UNC80: variants seen among roughly 807,000 people sequenced by gnomAD.
The protein encoded by UNC80 is unc-80 subunit of NALCN channel complex.
In UNC80, 164 loss-of-function variants were observed where a neutral mutation model predicts 384.6. The observed-to-expected ratio is 0.43, with a 90% CI of 0.38 to 0.49. UNC80 has a LOEUF of 0.49. Among genes scored for constraint, UNC80 ranks in the 20% least tolerant of loss-of-function variants. UNC80 has a pLI of 0.00. For missense variants in UNC80, 3,330 were observed against 4,143.0 expected (o/e 0.80, Z 5.39); for synonymous variants, 1,486 against 1,527.8 (o/e 0.97, Z 0.64).
chr2:209,865,047 T>C (rs547146426), intron 22 of UNC80, among the ~76,000 whole-genome samples: 1 of 152,330 alleles, frequency 6.6e-6, no homozygotes, highest in East Asian at 1.9e-4. Flanking sequence ...TCTGCCTTTG[T>C]AGCATGCTCA....
At position 209,937,524 on chromosome 2, in the gene UNC80, C is replaced by T. The variant is rs965751695; in HGVS notation, c.6364-5C>T. The T allele has an allele frequency of 8.4e-6, 13 of 1,545,114 alleles. No individual in the cohort carries two copies. The highest frequency in any genetic ancestry group is 1.2e-5 in the South Asian group (1 of 83,882). On this transcript the variant is annotated splice_polypyrimidine_tract_variant and splice_region_variant and intron_variant, in intron 41 of 64. Coordinates refer to ENST00000673920, the MANE Select transcript of UNC80 (RefSeq NM_001371986.1). ...TTTTTTTGTCTCTTTATGTAATCCA[C>T]ACAGACCTATGTTCGAGATATTTAT...
At chr2:209,825,801 C>T in intron 13 of UNC80, 106 bp from the exon 14 acceptor site, 1 of 1,092,740 alleles carries the variant, frequency 9.2e-7, no homozygotes, top group Non-Finnish European at 1.2e-6. Flanking sequence ...CAGGTGCTCC[C>T]TGTAAAACAT....
intron 60 of UNC80, 78 bp downstream of exon 60, chr2:209,982,395 A>G (rs2093178614): frequency 8.5e-6 from 12 of 1,419,658 alleles, no homozygotes; most frequent in Non-Finnish European, 1.0e-5. Context: ...CTGTTATTCT[A>G]CAAAGACAGA....
In UNC80 at chr2:209,995,601, T is replaced by A; in HGVS notation, c.*6T>A. 1 of 1,551,736 alleles carries A rather than the reference T, an allele frequency of 6.4e-7. No homozygotes were observed. The highest frequency in any genetic ancestry group is 8.7e-7 in the Non-Finnish European group (1 of 1,146,892). On this transcript the variant is annotated 3_prime_UTR_variant, in exon 65 of 65. Transcript: ENST00000673920. ...TAGATGAGTCTCATGTTTAATTCTG[T>A]ATCTTGTAAGCTCTGCAGGTATAGA...
chr2:209,848,239 TTG>T (rs2082294331), intron 21 of UNC80, among the ~76,000 whole-genome samples: 1 of 152,080 alleles, frequency 6.6e-6, no homozygotes, highest in Non-Finnish European at 1.5e-5. Context: ...ATTTTGTCTT[TTG>T]AATTTTTTCC....
chr2:209,809,102 G>A, intron 7 of UNC80: 2 of 529,948 alleles, frequency 3.8e-6, no homozygotes, highest in Middle Eastern at 3.3e-4. Context: ...CCCAGCCCAC[G>A]TTCACAGCCT....
chr2:209,872,564 TG>T lies in UNC80; in HGVS notation c.3628-187del, dbSNP rs2084390247. ...TCTAATCCTTCAAGATCCACATTTT[TG>T]GGGGGGATTTTGCTTTCCAGATTTC... On this transcript the variant is annotated intron_variant, in intron 22 of 64. Transcript: ENST00000673920. This position sits in a 1 kb window ranked among gnomAD's most constrained non-coding sequence, Gnocchi z 4.1. Among the ~76,000 whole-genome samples the T allele has an allele frequency of 6.6e-6, 1 of 152,098 alleles. No homozygotes were observed. The highest frequency in any genetic ancestry group is 2.4e-5 in the African/African-American group (1 of 41,420).
intron 23 of UNC80, among the ~76,000 whole-genome samples, chr2:209,875,330 C>T (rs2084681727): frequency 2.0e-5 from 3 of 152,192 alleles, no homozygotes; most frequent in Non-Finnish European, 2.9e-5. Flanking sequence ...ACTGCCCTCT[C>T]CACGACCTTT....
chr2:209,954,001 A>G, intron 47 of UNC80, 99 bp from the exon 48 acceptor site: 1 of 1,320,688 alleles, frequency 7.6e-7, no homozygotes, highest in South Asian at 1.8e-5. Flanking sequence ...GAATTCATAT[A>G]TCTCTAGATG....
chr2:209,826,566 A>T lies in UNC80; in HGVS notation c.2478+513A>T, dbSNP rs2080535347. Among the ~76,000 whole-genome samples, 3 of 152,092 alleles carry T rather than the reference A, an allele frequency of 2.0e-5. No homozygotes were observed. The South Asian group carries it at 6.2e-4, about 31-fold the overall frequency. ...TCATTTTCTGGCTGCTTTATTTGAG[A>T]ATGAACCTTGCCTTCTGAATATTTG... On this transcript the variant is annotated intron_variant, in intron 14 of 64. Transcript: ENST00000673920.
intron 48 of UNC80, among the ~76,000 whole-genome samples, chr2:209,954,790 T>C (rs1301481791): frequency 6.6e-6 from 1 of 152,216 alleles, no homozygotes; most frequent in Non-Finnish European, 1.5e-5. Context: ...CTTGAATTAA[T>C]AGATTCTCTG....
intron 28 of UNC80, 127 bp from the exon 29 acceptor site, chr2:209,904,638 C>A: frequency 1.3e-6 from 1 of 780,840 alleles, no homozygotes; most frequent in Non-Finnish European, 2.1e-6. Context: ...AATTATTGGA[C>A]CATTGCGATT....
At chr2:209,859,433 G>T (rs1178965836) in intron 22 of UNC80, among the ~76,000 whole-genome samples, 1 of 152,154 alleles carries the variant, frequency 6.6e-6, no homozygotes, top group East Asian at 1.9e-4. Flanking sequence ...AAGTCTATCA[G>T]TGGTGGGCAT....
intron 7 of UNC80, among the ~76,000 whole-genome samples, chr2:209,805,649 C>A (rs1266155706): frequency 6.6e-6 from 1 of 152,142 alleles, no homozygotes; most frequent in Non-Finnish European, 1.5e-5. Context: ...TCTGGTTTCC[C>A]CAAAACAAAT....
intron 62 of UNC80, among the ~76,000 whole-genome samples, chr2:209,992,884 T>C (rs549071722): frequency 6.6e-6 from 1 of 152,378 alleles, no homozygotes; most frequent in Middle Eastern, 3.4e-3. Flanking sequence ...AAGCAGCTTA[T>C]CACTGTTGCT....
rs184869513 is a variant in UNC80 at position 209,959,557 on chromosome 2, G to A, written c.7655G>A (p.Arg2552Gln). 2.4e-5 allele frequency: 38 copies of A among 1,551,664 alleles called. No homozygotes were observed. In the Admixed American group the frequency reaches 4.3e-4, roughly 18 times the overall value. Residue 2552 changes from arginine to glutamine, a missense_variant, in exon 51 of 65, where the codon CGG becomes CAG. This residue lies in a region of UNC80 where 1,049 missense variants were observed against 1,488.6 expected (regional missense o/e 0.70). Coordinates refer to ENST00000673920, the MANE Select transcript of UNC80 (RefSeq NM_001371986.1). The part of the protein sequence containing the change: ...PREELDERIA[R>Q]EEFRRPRESL... ...GAGGAACTGGATGAACGAATTGCTC[G>A]GGAAGAGTTCAGAAGACCCCGGGAG...
rs766896512 is a variant in UNC80, at chr2:209,922,495, C to T, written c.5662+112C>T. On this transcript the variant is annotated intron_variant, in intron 35 of 64. Transcript: ENST00000673920. The stretch of plus-strand genomic sequence containing the variant: ...ATTGTCTTCATTAAATAACTTGTCT[C>T]ATGACTTGACATTCTAAAAAAAATT... The T allele has an allele frequency of 2.7e-4, 339 of 1,233,760 alleles. 2 individuals are homozygous for T. Among genetic ancestry groups the T allele is most frequent in the Non-Finnish European group, 4.0e-5 (37 of 935,474 alleles). The allele number at this position is 1,233,760 out of a possible 1,614,324, so 76.4% of individuals were successfully genotyped here.
chr2:209,980,417 C>T (rs1378204802), intron 59 of UNC80, among the ~76,000 whole-genome samples: 1 of 152,168 alleles, frequency 6.6e-6, no homozygotes, highest in Non-Finnish European at 1.5e-5. Context: ...CAAAAGCCAA[C>T]ACTAACATAC....
At chr2:209,899,205 A>G (rs1469667846) in intron 28 of UNC80, among the ~76,000 whole-genome samples, 1 of 152,064 alleles carries the variant, frequency 6.6e-6, no homozygotes, top group East Asian at 1.9e-4. Context: ...CATGGTGTAT[A>G]AAAAAAATTA....
Sources: gnomAD v4.1 joint callset for allele counts (sites outside exome capture counted in the v4.1 genomes callset) on GRCh38, gnomAD v4.1.1 for gene constraint, gnomAD v4.1.1 regional missense constraint, Gnocchi (gnomAD v3.1) non-coding constraint, MANE v1.5 for transcripts, NCBI Gene and HGNC (gene_info 2026-07-23, HGNC 2026-07-21) for gene names.